The following HHAT variants were observed in gnomAD, a reference collection of about 807,000 sequenced individuals.
The protein encoded by HHAT is hedgehog acyltransferase.
In HHAT, 47 loss-of-function variants were observed where a neutral mutation model predicts 70.8. The observed-to-expected ratio is 0.66, with a 90% CI of 0.53 to 0.85. The LOEUF (loss-of-function observed/expected upper bound fraction) is 0.85. Ranked by LOEUF, HHAT falls within the 40% of genes least tolerant of loss-of-function variation. The pLI is 0.00. For missense variants in HHAT, 609 were observed against 604.8 expected (o/e 1.01, Z -0.07); for synonymous variants, 228 against 247.6 (o/e 0.92, Z 0.74).
chr1:210,341,042 A>G (rs2085998850), intron 1 of HHAT, among the ~76,000 whole-genome samples: 1 of 152,246 alleles, frequency 6.6e-6, no homozygotes, highest in South Asian at 2.1e-4. Context: ...GTGAGATAAT[A>G]CTTGTAAAGT....
intron 11 of HHAT, among the ~76,000 whole-genome samples, chr1:210,649,277 A>G (rs1201099875): frequency 6.6e-6 from 1 of 152,208 alleles, no homozygotes; most frequent in East Asian, 1.9e-4. Context: ...TTCTTTGTCT[A>G]AGTGAGCTAG....
intron 4 of HHAT, 78 bp downstream of exon 4, chr1:210,387,659 C>T (rs1022188002): frequency 2.2e-5 from 24 of 1,105,492 alleles, no homozygotes; most frequent in Non-Finnish European, 2.7e-5. Flanking sequence ...AGCTAGGAAT[C>T]GGAAGACTTG....
intron 6 of HHAT, among the ~76,000 whole-genome samples, chr1:210,405,970 A>C (rs772988783): frequency 6.6e-6 from 1 of 152,204 alleles, no homozygotes; most frequent in Non-Finnish European, 1.5e-5. Context: ...TTCCTGGACC[A>C]GCAGCATCAG....
intron 8 of HHAT, among the ~76,000 whole-genome samples, chr1:210,485,159 G>A (rs532178423): frequency 1.3e-5 from 2 of 152,276 alleles, no homozygotes; most frequent in Admixed American, 6.5e-5. Context: ...AAAGAACAGA[G>A]CTCAGGCCTC....
At chr1:210,622,945 C>G (rs1458361207) in intron 10 of HHAT, among the ~76,000 whole-genome samples, 1 of 152,212 alleles carries the variant, frequency 6.6e-6, no homozygotes, top group Non-Finnish European at 1.5e-5. Flanking sequence ...CTGCTAAATC[C>G]TAACTGGCTT....
intron 1 of HHAT, among the ~76,000 whole-genome samples, chr1:210,332,353 A>G (rs2085067532): frequency 6.6e-6 from 1 of 152,246 alleles, no homozygotes; most frequent in Non-Finnish European, 1.5e-5. Flanking sequence ...TAACATCTTC[A>G]TGTATATCCT....
intron 7 of HHAT, among the ~76,000 whole-genome samples, chr1:210,426,398 A>G (rs775852085): frequency 2.1e-4 from 32 of 152,276 alleles, no homozygotes; most frequent in African/African-American, 7.5e-4. Context: ...GTGGTAAGAG[A>G]GGGCATCCTT....
chr1:210,386,231 T>TTTTTTTTTC (rs2091044748), intron 3 of HHAT, among the ~76,000 whole-genome samples: 3 of 29,858 alleles, frequency 1.0e-4, no homozygotes, highest in Non-Finnish European at 1.7e-4. Flanking sequence ...TCTTTTTTTC[T>TTTTTTTTTC]TTTTTTTTTT....
At chr1:210,672,768 A>G (rs541147534) in intron 11 of HHAT, among the ~76,000 whole-genome samples, 1 of 152,350 alleles carries the variant, frequency 6.6e-6, no homozygotes, top group Admixed American at 6.5e-5. Context: ...AAGAAAAAGA[A>G]AAGAACATCA....
At chr1:210,543,703 C>T (rs1464023984) in intron 9 of HHAT, among the ~76,000 whole-genome samples, 3 of 152,098 alleles carry the variant, frequency 2.0e-5, no homozygotes, top group East Asian at 3.9e-4. Flanking sequence ...AGGACCCTTC[C>T]AAAGGCCTTC....
chr1:210,563,718 T>C (rs1338355332), intron 9 of HHAT, among the ~76,000 whole-genome samples: 24 of 152,204 alleles, frequency 1.6e-4, no homozygotes, highest in Admixed American at 1.6e-3. Flanking sequence ...CAGCCCATTG[T>C]TATTCTGTTC....
At chr1:210,451,556 A>T (rs189618772) in intron 7 of HHAT, among the ~76,000 whole-genome samples, 1 of 152,302 alleles carries the variant, frequency 6.6e-6, no homozygotes, top group East Asian at 1.9e-4. Flanking sequence ...ACTGCTATTT[A>T]CACTTTGAAA....
chr1:210,465,065 A>G (rs1257647973), intron 8 of HHAT, among the ~76,000 whole-genome samples: 2 of 152,192 alleles, frequency 1.3e-5, no homozygotes, highest in Non-Finnish European at 2.9e-5. Context: ...GCAGTATACT[A>G]TTTACTAAAT....
intron 8 of HHAT, among the ~76,000 whole-genome samples, chr1:210,476,472 C>T (rs1165822915): frequency 6.6e-6 from 1 of 152,194 alleles, no homozygotes; most frequent in Non-Finnish European, 1.5e-5. Context: ...CTCCAACCTT[C>T]TATTAGAAAT....
rs756801763 is a variant in HHAT, at chr1:210,387,550, T to A, written c.242T>A (p.Val81Glu). The change falls in exon 4 of 12, where the codon GTG (valine) becomes GAG (glutamate). Residue 81 changes from valine (V) to glutamate (E), a missense_variant. By Grantham distance (121) the Val-to-Glu change is moderately radical. Coordinates refer to ENST00000261458, the MANE Select transcript of HHAT (RefSeq NM_018194.6). Reference protein sequence around the residue: ...LVWLLLGHMVVSQMATLLARK... With the variant: ...LVWLLLGHMVESQMATLLARK... ...TGGCTTCTCCTTGGCCACATGGTAGTGTCTCAAATGGCCACACTGCTGGCA... is the reference window on the plus strand; with the variant it reads ...TGGCTTCTCCTTGGCCACATGGTAGAGTCTCAAATGGCCACACTGCTGGCA... 6.2e-7 allele frequency: 1 copy of A among 1,613,976 alleles called. No individual in the cohort carries two copies. Among genetic ancestry groups the A allele is most frequent in the Non-Finnish European group, 8.5e-7 (1 of 1,179,878 alleles).
intron 8 of HHAT, among the ~76,000 whole-genome samples, chr1:210,471,567 G>A (rs2094205471): frequency 6.6e-6 from 1 of 152,138 alleles, no homozygotes; most frequent in Non-Finnish European, 1.5e-5. Context: ...AGAGGAAGAT[G>A]AGGAACTGGA....
At chr1:210,403,176 C>T (rs528132635) in intron 5 of HHAT, among the ~76,000 whole-genome samples, 2 of 152,198 alleles carry the variant, frequency 1.3e-5, no homozygotes, top group African/African-American at 2.4e-5. Context: ...ATTTTAAGCA[C>T]GTATGTCAAA....
intron 1 of HHAT, among the ~76,000 whole-genome samples, chr1:210,333,456 AAAG>A (rs1219518438): frequency 6.6e-6 from 1 of 151,584 alleles, no homozygotes; most frequent in Non-Finnish European, 1.5e-5. Flanking sequence ...AAAAACTAAA[AAAG>A]CTCCAAATGT....
chr1:210,434,569 T>G (rs541792049), intron 7 of HHAT, among the ~76,000 whole-genome samples: 14 of 151,872 alleles, frequency 9.2e-5, no homozygotes, highest in Non-Finnish European at 2.1e-4. Flanking sequence ...CTTATACAGC[T>G]GAAAATACAC....
Sources: gnomAD v4.1 joint callset for allele counts (sites outside exome capture counted in the v4.1 genomes callset) on GRCh38, gnomAD v4.1.1 for gene constraint, MANE v1.5 for transcripts, NCBI Gene and HGNC (gene_info 2026-07-23, HGNC 2026-07-21) for gene names.